The following HS6ST2 variants were observed in gnomAD, a reference collection of about 807,000 sequenced individuals.
HS6ST2 encodes the protein heparan sulfate 6-O-sulfotransferase 2.
In HS6ST2, 17 loss-of-function variants were observed where a neutral mutation model predicts 33.0. The ratio of observed to expected loss-of-function variants is 0.52; its 90% CI spans 0.35 to 0.77. The LOEUF is 0.77. Ranked by LOEUF, HS6ST2 falls within the 30% of genes least tolerant of loss-of-function variation. HS6ST2 has a pLI of 0.01. For missense variants in HS6ST2, 519 were observed against 551.7 expected, an observed-to-expected ratio of 0.94 and a Z score of 0.59; for synonymous variants, 248 against 237.1, an observed-to-expected ratio of 1.05 and a Z score of -0.42.
In HS6ST2 at chrX:132,690,595, AT is replaced by A. The variant is rs1174018217; in HGVS notation, c.980+17866del. Among the ~76,000 whole-genome samples, 3 of 111,372 alleles carry A rather than the reference AT, an allele frequency of 2.7e-5. No homozygotes were observed. In the Admixed American group the frequency reaches 2.9e-4, roughly 11 times the overall value. On this transcript the variant is annotated intron_variant, in intron 3 of 4. Coordinates refer to ENST00000370833, the MANE Select transcript of HS6ST2 (RefSeq NM_001394073.1). The stretch of plus-strand genomic sequence containing the variant: ...GTCTCCACCCCAGTAACAACAGTTT[AT>A]TTTTCGTGTTTTTGGAATTCAAGAG...
chrX:132,651,228 G>A (rs1033965080), intron 4 of HS6ST2, among the ~76,000 whole-genome samples: 11 of 112,151 alleles, frequency 9.8e-5, no homozygotes, highest in African/African-American at 3.6e-4. Context: ...AAAGTTCCTT[G>A]CAGGTATGGA....
At chrX:132,819,414 CAAAA>C (rs928753168) in intron 2 of HS6ST2, among the ~76,000 whole-genome samples, 1 of 111,237 alleles carries the variant, frequency 9.0e-6, no homozygotes, top group African/African-American at 3.3e-5. Context: ...ATGCTGGAGA[CAAAA>C]AAATTAAATA....
At chrX:132,835,873 G>A (rs924175211) in intron 2 of HS6ST2, among the ~76,000 whole-genome samples, 15 of 111,774 alleles carry the variant, frequency 1.3e-4, no homozygotes, top group African/African-American at 4.6e-4. Context: ...CTGAGATTGC[G>A]ACACTGCACT....
intron 2 of HS6ST2, among the ~76,000 whole-genome samples, chrX:132,740,665 T>A (rs1005063688): frequency 4.5e-5 from 5 of 110,909 alleles, no homozygotes; most frequent in Admixed American, 9.6e-5. Flanking sequence ...GGGAAAAAAA[T>A]TCAGGACTTT....
intron 2 of HS6ST2, among the ~76,000 whole-genome samples, chrX:132,874,501 G>A (rs1001106128): frequency 7.2e-5 from 8 of 111,483 alleles, no homozygotes; most frequent in Admixed American, 9.5e-5. Flanking sequence ...GCTTGAACCC[G>A]GGAGGCCGAG....
At chrX:132,850,127 G>T (rs922965855) in intron 2 of HS6ST2, among the ~76,000 whole-genome samples, 1 of 112,271 alleles carries the variant, frequency 8.9e-6, no homozygotes. Flanking sequence ...GGGACTTTGT[G>T]TTTGGGAAAA....
intron 2 of HS6ST2, among the ~76,000 whole-genome samples, chrX:132,906,241 T>C (rs2066474083): frequency 8.9e-6 from 1 of 112,498 alleles, no homozygotes; most frequent in Non-Finnish European, 1.9e-5. Context: ...GCATGGCTTT[T>C]GTTAGGTTTT....
In HS6ST2 at chrX:132,798,784, C is replaced by T. The variant is rs1288799057; in HGVS notation, c.948-90290G>A. Among the ~76,000 whole-genome samples, 5 of 111,839 alleles carry T rather than the reference C, an allele frequency of 4.5e-5. No homozygotes were observed. In the East Asian group the frequency reaches 1.4e-3, roughly 32 times the overall value. ...ATCTGATGGAGCTACCAACATCCTG[C>T]TACAATGTCCCAAGCTCTCACACTT... On this transcript the variant is annotated intron_variant, in intron 2 of 4. Coordinates refer to ENST00000370833, the MANE Select transcript of HS6ST2 (RefSeq NM_001394073.1).
intron 2 of HS6ST2, among the ~76,000 whole-genome samples, chrX:132,748,333 G>A (rs1035901666): frequency 1.8e-5 from 2 of 112,138 alleles, no homozygotes; most frequent in African/African-American, 3.2e-5. Flanking sequence ...GTCATTAGGC[G>A]TTTGCCTCTT....
At chrX:132,729,131 G>A (rs887826662) in intron 2 of HS6ST2, among the ~76,000 whole-genome samples, 2 of 112,569 alleles carry the variant, frequency 1.8e-5, no homozygotes, top group African/African-American at 6.5e-5. Flanking sequence ...CAAAGCCCAA[G>A]AGTTTGCATC....
intron 3 of HS6ST2, among the ~76,000 whole-genome samples, chrX:132,688,450 T>C (rs2064036301): frequency 8.9e-6 from 1 of 111,830 alleles, no homozygotes; most frequent in Non-Finnish European, 1.9e-5. Context: ...AGAGGTTCAA[T>C]TGACTCACAG....
intron 2 of HS6ST2, among the ~76,000 whole-genome samples, chrX:132,835,422 C>T (rs1338831911): frequency 3.6e-5 from 4 of 111,656 alleles, no homozygotes; most frequent in Non-Finnish European, 7.5e-5. Flanking sequence ...CTGTCTCTGA[C>T]CCCAACCCAG....
At chrX:132,663,174 A>G (rs1398866002) in intron 4 of HS6ST2, among the ~76,000 whole-genome samples, 2 of 112,451 alleles carry the variant, frequency 1.8e-5, no homozygotes, top group Non-Finnish European at 3.8e-5. Context: ...CAAATACACA[A>G]AAGGCTGCCT....
intron 4 of HS6ST2, among the ~76,000 whole-genome samples, chrX:132,651,105 T>A (rs1263062): frequency 1.5e-4 from 17 of 110,714 alleles, no homozygotes; most frequent in African/African-American, 2.0e-4. Context: ...GGCCTCAAAT[T>A]TCTCTCCTAC....
chrX:132,945,283 T>C (rs1233650451), intron 2 of HS6ST2, among the ~76,000 whole-genome samples: 2 of 111,647 alleles, frequency 1.8e-5, no homozygotes, highest in African/African-American at 3.3e-5. Context: ...ATCAGAGAAA[T>C]GCAAATCAAA....
At chrX:132,672,645 T>A (rs1195054282) in intron 3 of HS6ST2, among the ~76,000 whole-genome samples, 2 of 112,050 alleles carry the variant, frequency 1.8e-5, no homozygotes, top group African/African-American at 6.5e-5. Context: ...GCTCTCCTTC[T>A]GTCTGGTTGG....
chrX:132,876,398 C>CT, intron 2 of HS6ST2, among the ~76,000 whole-genome samples: 1 of 112,045 alleles, frequency 8.9e-6, no homozygotes, highest in Admixed American at 9.5e-5. Context: ...AGGGGTAGAG[C>CT]TTTAAGTGAG....
intron 2 of HS6ST2, among the ~76,000 whole-genome samples, chrX:132,801,491 A>G (rs1257064216): frequency 8.9e-6 from 1 of 111,738 alleles, no homozygotes. Flanking sequence ...ACTTGAAAAG[A>G]AGACTTGGCA....
chrX:132,955,817 G>C (rs2067063432), intron 2 of HS6ST2, among the ~76,000 whole-genome samples: 1 of 112,870 alleles, frequency 8.9e-6, no homozygotes, highest in African/African-American at 3.2e-5. Context: ...TCTGGAGGGA[G>C]GAAAATACCC....
Sources: gnomAD v4.1 joint callset for allele counts (sites outside exome capture counted in the v4.1 genomes callset) on GRCh38, gnomAD v4.1.1 for gene constraint, MANE v1.5 for transcripts, NCBI Gene and HGNC (gene_info 2026-07-23, HGNC 2026-07-21) for gene names.